The following ACSBG2 variants were observed in gnomAD, a reference collection of about 807,000 sequenced individuals.
ACSBG2 encodes long-chain-fatty-acid--CoA ligase ACSBG2.
In ACSBG2, 62 loss-of-function variants were observed where a neutral mutation model predicts 74.7. The observed-to-expected ratio is 0.83, with a 90% CI of 0.68 to 1.03. The LOEUF (loss-of-function observed/expected upper bound fraction) is 1.03, where lower values mean the gene tolerates loss of function less well. Ranked by LOEUF, ACSBG2 falls within the 50% of genes least tolerant of loss-of-function variation. The pLI is 0.00. For missense variants in ACSBG2, 730 were observed against 817.6 expected (o/e 0.89, Z 1.31); for synonymous variants, 309 against 294.1 (o/e 1.05, Z -0.52).
chr19:6,167,363 G>A (rs935460726), intron 7 of ACSBG2, among the ~76,000 whole-genome samples: 1 of 152,196 alleles, frequency 6.6e-6, no homozygotes, highest in African/African-American at 2.4e-5. Context: ...TTCTGGCAGA[G>A]GGCCTGGCCC....
intron 1 of ACSBG2, among the ~76,000 whole-genome samples, chr19:6,140,224 C>CA (rs370796775): frequency 0.025 from 2,936 of 115,674 alleles, 74 homozygotes; most frequent in African/African-American, 0.059. Flanking sequence ...GACTCCGTCT[C>CA]AAAAAAAAAA....
chr19:6,148,236 T>A (rs1600018883), intron 3 of ACSBG2: 3 of 156,902 alleles, frequency 1.9e-5, no homozygotes, highest in East Asian at 1.9e-4. Flanking sequence ...CTTACCTAGA[T>A]GACTGGTTGT....
intron 3 of ACSBG2, among the ~76,000 whole-genome samples, chr19:6,149,441 TTC>T (rs2089156313): frequency 6.6e-6 from 1 of 152,066 alleles, no homozygotes; most frequent in Admixed American, 6.6e-5. Flanking sequence ...TCACTTTTGT[TTC>T]TGAGTTTCCT....
intron 5 of ACSBG2, 22 bp downstream of exon 5, chr19:6,156,573 C>T: frequency 6.6e-7 from 1 of 1,514,598 alleles, no homozygotes; most frequent in South Asian, 1.3e-5. Flanking sequence ...CCCAGCACTG[C>T]CTGCCAAAGT....
intron 14 of ACSBG2, chr19:6,192,093 AAAAT>A (rs1374222772): frequency 6.6e-6 from 1 of 151,734 alleles, no homozygotes; most frequent in African/African-American, 2.4e-5. Context: ...AAAAAAAAAA[AAAAT>A]AGAATATACA....
chr19:6,166,332 T>TG (rs2089809319), intron 7 of ACSBG2, among the ~76,000 whole-genome samples: 11 of 76,808 alleles, frequency 1.4e-4, no homozygotes, highest in Non-Finnish European at 2.4e-4. Context: ...GTGTGTGTGT[T>TG]TTGAGATGGG....
chr19:6,139,633 A>C (rs1398608967), intron 1 of ACSBG2, among the ~76,000 whole-genome samples: 1 of 152,200 alleles, frequency 6.6e-6, no homozygotes, highest in African/African-American at 2.4e-5. Flanking sequence ...GCTCTTTATC[A>C]TGAACAAAAT....
At chr19:6,138,691 G>T (rs2088696049) in intron 1 of ACSBG2, among the ~76,000 whole-genome samples, 1 of 143,978 alleles carries the variant, frequency 6.9e-6, no homozygotes, top group Admixed American at 7.0e-5. Context: ...GAGGAAGGAA[G>T]AGAGGGGAAG....
In ACSBG2 at chr19:6,182,745, A is replaced by C. The variant is rs113123404; in HGVS notation, c.907-6A>C. On this transcript the variant is annotated splice_polypyrimidine_tract_variant and splice_region_variant and intron_variant, in intron 8 of 14. Transcript: ENST00000588485. ...GCTGTGGCTAACCTAGCTTCGTTCC[A>C]TACAGGGCACCTTGGTAAGTACTCT... The C allele has an allele frequency of 1.7e-3, 2,822 of 1,613,648 alleles. 45 individuals carry two copies. The African/African-American group carries it at 0.032, about 19-fold the overall frequency.
rs373449221 is a variant in ACSBG2, at chr19:6,177,338, T to C, written c.848T>C (p.Ile283Thr). Residue 283 changes from isoleucine (I) to threonine (T), a missense_variant, in exon 8 of 15, where the codon ATC becomes ACC. Ile to Thr is a moderately conservative substitution (Grantham distance 89). Transcript: ENST00000588485. ...CATATTGCAGCACAGATGATGGACA[T>C]CTGGGTACCCATAAAGATTGGGGCG... ...LSHIAAQMMD[I>T]WVPIKIGALT... 46 of 1,612,478 alleles carry C rather than the reference T, an allele frequency of 2.9e-5. No individual in the cohort carries two copies. Among genetic ancestry groups the C allele is most frequent in the Non-Finnish European group, 3.6e-5 (43 of 1,179,608 alleles).
rs80060766 is a variant in ACSBG2, at chr19:6,156,126, A to G, written c.387-305A>G. Among the ~76,000 whole-genome samples, 30 of 152,240 alleles carry G rather than the reference A, an allele frequency of 2.0e-4. No homozygotes were observed. The East Asian group carries it at 2.9e-3, about 15-fold the overall frequency. On this transcript the variant is annotated intron_variant, in intron 4 of 14. Coordinates refer to ENST00000588485, the MANE Select transcript of ACSBG2 (RefSeq NM_030924.5). ...AGTCAGGAGTTCAGATCCTAGGTCT[A>G]ACACCTACTTGCTGTGTAATCTTGA...
intron 6 of ACSBG2, among the ~76,000 whole-genome samples, chr19:6,163,783 C>CAA (rs1278911071): frequency 0.01 from 820 of 81,032 alleles, 10 homozygotes; most frequent in Admixed American, 0.013. Context: ...AAATAAAATA[C>CAA]AAAAAAAAAA....
intron 5 of ACSBG2, among the ~76,000 whole-genome samples, chr19:6,159,589 A>G (rs1397456538): frequency 6.6e-6 from 1 of 152,234 alleles, no homozygotes; most frequent in Non-Finnish European, 1.5e-5. Context: ...TGCTAGGTCT[A>G]GAAGATTCAA....
At chr19:6,178,265 A>G (rs1397184093) in intron 8 of ACSBG2, among the ~76,000 whole-genome samples, 4 of 151,974 alleles carry the variant, frequency 2.6e-5, no homozygotes, top group Non-Finnish European at 5.9e-5. Context: ...CCCAGAATTA[A>G]GTTGCCTTTC....
intron 2 of ACSBG2, among the ~76,000 whole-genome samples, chr19:6,145,394 G>C (rs2088992685): frequency 6.8e-6 from 1 of 146,730 alleles, no homozygotes; most frequent in Non-Finnish European, 1.5e-5. Context: ...TTGTGCCACT[G>C]CACTCCAGCC....
intron 7 of ACSBG2, among the ~76,000 whole-genome samples, chr19:6,170,662 A>G (rs2089941537): frequency 1.3e-5 from 2 of 152,164 alleles, no homozygotes; most frequent in Admixed American, 1.3e-4. Flanking sequence ...GTGGCCTAGC[A>G]TGTGGTTAAT....
In ACSBG2 at chr19:6,185,650, A is replaced by C; in HGVS notation, c.1537A>C (p.Lys513Gln). Reference sequence around the variant, plus strand: ...TTTCCTCTATGTCACCGGCCACATCAAAGGTACCAGGGGCTGAGCTCTTTG... The same window carrying C: ...TTTCCTCTATGTCACCGGCCACATCCAAGGTACCAGGGGCTGAGCTCTTTG... Reference protein sequence around the residue: ...LGFLYVTGHIKEILITAGGEN... With the variant: ...LGFLYVTGHIQEILITAGGEN... Residue 513 changes from lysine to glutamine, a missense_variant, in exon 11 of 15, where the codon AAA becomes CAA. Lys to Gln is a moderately conservative substitution (Grantham distance 53). Transcript: ENST00000588485. 1 of 1,614,120 alleles carries C rather than the reference A, an allele frequency of 6.2e-7. No homozygotes were observed. Among genetic ancestry groups the C allele is most frequent in the Non-Finnish European group, 8.5e-7 (1 of 1,180,004 alleles).
At chr19:6,147,889 A>G (rs2089095915) in intron 3 of ACSBG2, among the ~76,000 whole-genome samples, 1 of 152,194 alleles carries the variant, frequency 6.6e-6, no homozygotes, top group African/African-American at 2.4e-5. Context: ...TGGGAAATAA[A>G]TTATGCATAA....
At position 6,161,150 on chromosome 19, in the gene ACSBG2, C is replaced by G. The variant is rs7250719; in HGVS notation, c.508-65C>G. ...GCTGGAGAGAGCTTACTTAGGACAT[C>G]TAACCCAGCTTTAGTCTTTCCCAGG... is the stretch of plus-strand genomic sequence containing the variant. On this transcript the variant is annotated intron_variant, in intron 5 of 14. Transcript: ENST00000588485. The G allele has an allele frequency of 2.9e-3, 3,916 of 1,356,390 alleles. 68 individuals are homozygous for G. In the African/African-American group the frequency reaches 0.047, roughly 16 times the overall value. 84.0% of individuals were successfully genotyped at this position (1,356,390 alleles called of 1,614,324 possible). A position where few individuals can be genotyped will look rare whatever the true frequency, so the allele number is the denominator to read the frequency against.
Sources: allele counts gnomAD v4.1 joint callset (sites outside exome capture counted in the v4.1 genomes callset), GRCh38; gene constraint gnomAD v4.1.1; transcripts MANE v1.5; gene names NCBI Gene and HGNC (gene_info 2026-07-23, HGNC 2026-07-21).